The following KAZN variants were observed in gnomAD, a reference collection of about 807,000 sequenced individuals.
KAZN encodes kazrin.
In KAZN, 40 loss-of-function variants were observed where a neutral mutation model predicts 87.4. The observed-to-expected ratio is 0.46, with a 90% CI of 0.36 to 0.60. KAZN has a LOEUF of 0.60. KAZN is among the 20% of genes least tolerant of loss of function. The pLI is 0.00. For missense variants in KAZN, 898 were observed against 1,073.9 expected, an observed-to-expected ratio of 0.84 and a Z score of 2.29; for synonymous variants, 466 against 458.3, an observed-to-expected ratio of 1.02 and a Z score of -0.22.
At chr1:15,041,432 G>A (rs1672920934) in intron 3 of KAZN, among the ~76,000 whole-genome samples, 1 of 148,490 alleles carries the variant, frequency 6.7e-6, no homozygotes, top group Admixed American at 6.8e-5. Flanking sequence ...CCGCCTCCCA[G>A]GTTCAAGCGA....
chr1:14,195,511 TCACACACACACACA>T (rs55792359), intron 2 of KAZN, among the ~76,000 whole-genome samples: 2 of 146,086 alleles, frequency 1.4e-5, no homozygotes, highest in African/African-American at 2.5e-5. Context: ...CAAAAACGGC[TCACACACACACACA>T]CACACACACA....
At chr1:14,602,492 A>C (rs1677057567) in intron 1 of KAZN, among the ~76,000 whole-genome samples, 1 of 152,228 alleles carries the variant, frequency 6.6e-6, no homozygotes, top group African/African-American at 2.4e-5. Context: ...TGGAAAGAAC[A>C]GAGCCAAGCA....
intron 2 of KAZN, among the ~76,000 whole-genome samples, chr1:14,426,139 C>T (rs1163034475): frequency 6.6e-6 from 1 of 152,228 alleles, no homozygotes; most frequent in Non-Finnish European, 1.5e-5. Flanking sequence ...AGCTCTTCCT[C>T]AGACACACCA....
At chr1:14,282,919 A>G (rs1162705430) in intron 2 of KAZN, among the ~76,000 whole-genome samples, 1 of 152,140 alleles carries the variant, frequency 6.6e-6, no homozygotes, top group Non-Finnish European at 1.5e-5. Context: ...ATCACCTTGC[A>G]AGGAGTGGAG....
At chr1:14,519,623 T>C (rs138334193) in intron 2 of KAZN, among the ~76,000 whole-genome samples, 84 of 152,138 alleles carry the variant, frequency 5.5e-4, no homozygotes, top group African/African-American at 2.0e-3. Context: ...ACGAGAGAGA[T>C]ATGAAAGCAT....
intron 2 of KAZN, among the ~76,000 whole-genome samples, chr1:14,264,061 C>T (rs1325846167): frequency 6.6e-6 from 1 of 152,208 alleles, no homozygotes; most frequent in Non-Finnish European, 1.5e-5. Flanking sequence ...TAAAACAGCA[C>T]ACACTTGTTA....
At chr1:15,004,085 G>T (rs1040436531) in intron 2 of KAZN, among the ~76,000 whole-genome samples, 2 of 152,196 alleles carry the variant, frequency 1.3e-5, no homozygotes, top group African/African-American at 4.8e-5. Context: ...ACAAAGTGAG[G>T]TGAACATACC....
At chr1:14,616,005 C>T (rs77588926) in intron 1 of KAZN, among the ~76,000 whole-genome samples, 3,748 of 152,244 alleles carry the variant, frequency 0.025, 96 homozygotes, top group South Asian at 0.09. Flanking sequence ...CAGAGACATG[C>T]GCAGGAGAGA....
chr1:14,943,365 A>C (rs1341429232), intron 1 of KAZN, among the ~76,000 whole-genome samples: 1 of 152,108 alleles, frequency 6.6e-6, no homozygotes, highest in East Asian at 1.9e-4. Context: ...ACCCCCCGCC[A>C]GCTGCTGGAG....
chr1:14,548,452 G>T (rs745635521), intron 2 of KAZN, among the ~76,000 whole-genome samples: 1 of 152,054 alleles, frequency 6.6e-6, no homozygotes, highest in Non-Finnish European at 1.5e-5. Context: ...GCCCACCTCT[G>T]CCTCCAAAAG....
intron 1 of KAZN, among the ~76,000 whole-genome samples, chr1:14,628,391 TA>T (rs897173663): frequency 1.3e-5 from 2 of 152,196 alleles, no homozygotes; most frequent in African/African-American, 4.8e-5. Context: ...AGGCCTTGTT[TA>T]AAAATTTAGA....
chr1:14,423,025 C>G (rs1205774243), intron 2 of KAZN, among the ~76,000 whole-genome samples: 2 of 152,218 alleles, frequency 1.3e-5, no homozygotes, highest in African/African-American at 2.4e-5. Context: ...AACTTTTGCT[C>G]AAATTATCAC....
chr1:14,534,723 C>T (rs1235265152), intron 2 of KAZN, among the ~76,000 whole-genome samples: 1 of 152,186 alleles, frequency 6.6e-6, no homozygotes, highest in Non-Finnish European at 1.5e-5. Flanking sequence ...CCTCCCTCTG[C>T]CCCAGACACC....
chr1:14,390,041 ATAAG>A (rs796385234), intron 2 of KAZN, among the ~76,000 whole-genome samples: 31 of 152,348 alleles, frequency 2.0e-4, no homozygotes, highest in African/African-American at 7.5e-4. Flanking sequence ...TCAAAACCAA[ATAAG>A]TACGTGGGCA....
At chr1:15,069,229 A>C (rs988495319) in intron 8 of KAZN, among the ~76,000 whole-genome samples, 2 of 152,076 alleles carry the variant, frequency 1.3e-5, no homozygotes, top group Admixed American at 6.6e-5. Flanking sequence ...CTTCCTGCCC[A>C]TCCCGAAGTG....
At chr1:13,894,876 A>G (rs1031598138) in intron 1 of KAZN, among the ~76,000 whole-genome samples, 1 of 152,122 alleles carries the variant, frequency 6.6e-6, no homozygotes, top group Non-Finnish European at 1.5e-5. Flanking sequence ...CTAAAACTGG[A>G]TGTGTCTGCA....
At chr1:14,305,871 C>T (rs966238837) in intron 2 of KAZN, among the ~76,000 whole-genome samples, 1 of 152,080 alleles carries the variant, frequency 6.6e-6, no homozygotes, top group African/African-American at 2.4e-5. Context: ...AAAAATGCAT[C>T]AGAAGCACCT....
intron 2 of KAZN, among the ~76,000 whole-genome samples, chr1:14,371,659 A>G (rs1405551160): frequency 6.6e-6 from 1 of 152,202 alleles, no homozygotes; most frequent in Non-Finnish European, 1.5e-5. Context: ...GTAAGAATGC[A>G]CCTGTCTGGT....
chr1:14,580,170 G>A (rs922825014), intron 2 of KAZN, among the ~76,000 whole-genome samples: 4 of 152,120 alleles, frequency 2.6e-5, no homozygotes, highest in South Asian at 2.1e-4. Flanking sequence ...CATTGCTGGC[G>A]AATGTATCTT....
Sources: allele counts gnomAD v4.1 joint callset (sites outside exome capture counted in the v4.1 genomes callset), GRCh38; gene constraint gnomAD v4.1.1; transcripts MANE v1.5; gene names NCBI Gene and HGNC (gene_info 2026-07-23, HGNC 2026-07-21).